The following UBR3 variants were observed in gnomAD, a reference collection of about 807,000 sequenced individuals.
UBR3 encodes the protein ubiquitin protein ligase E3 component n-recognin 3.
A neutral mutation model predicts 243.2 loss-of-function variants in UBR3; 85 were observed. That is an observed-to-expected ratio of 0.35 (90% confidence interval 0.29 to 0.42). UBR3 has a LOEUF of 0.42. UBR3 is among the 10% of genes least tolerant of loss of function. The pLI is 1.00. For missense variants in UBR3, 1,686 were observed against 2,300.8 expected (o/e 0.73, Z 5.47); for synonymous variants, 748 against 799.8 (o/e 0.94, Z 1.09).
intron 11 of UBR3, among the ~76,000 whole-genome samples, chr2:169,921,093 G>A (rs1354606128): frequency 6.6e-6 from 1 of 152,204 alleles, no homozygotes; most frequent in Non-Finnish European, 1.5e-5. Flanking sequence ...TCAAATATAG[G>A]AGGCTTGTGA....
Position 170,015,307 on chromosome 2 carries a change from A to G in UBR3, c.4394A>G (p.His1465Arg). 2 of 1,611,274 alleles carry G rather than the reference A, an allele frequency of 1.2e-6. No homozygotes were observed. The highest frequency in any genetic ancestry group is 1.1e-5 in the South Asian group (1 of 90,854). Reference sequence around the variant, plus strand: ...ACCAATTTAGAACTTGAATTGATTCATCGAGGAGGCAATTTGTGTTCAGGT... The same window carrying G: ...ACCAATTTAGAACTTGAATTGATTCGTCGAGGAGGCAATTTGTGTTCAGGT... ...ARTNLELELI[H>R]RGGNLCSGGA... Residue 1465 changes from histidine to arginine, a missense_variant, in exon 30 of 39, where the codon CAT (histidine) becomes CGT (arginine). By Grantham distance (29) the His-to-Arg change is conservative. Transcript: ENST00000272793.
At chr2:170,032,733 G>A (rs2090713001) in intron 31 of UBR3, among the ~76,000 whole-genome samples, 1 of 151,542 alleles carries the variant, frequency 6.6e-6, no homozygotes, top group Non-Finnish European at 1.5e-5. Context: ...TTCCTTTTTA[G>A]TGCATAGTAT....
intron 24 of UBR3, among the ~76,000 whole-genome samples, chr2:169,974,318 T>G (rs1278771733): frequency 6.6e-6 from 1 of 152,198 alleles, no homozygotes; most frequent in Non-Finnish European, 1.5e-5. Flanking sequence ...GATGGGAGAC[T>G]TTTTATTACT....
intron 1 of UBR3, among the ~76,000 whole-genome samples, chr2:169,842,637 C>T (rs184646198): frequency 4.3e-4 from 66 of 152,174 alleles, no homozygotes; most frequent in Middle Eastern, 3.4e-3. Context: ...ACTCCAGACG[C>T]GCTGCCTTAA....
Position 169,932,912 on chromosome 2 carries a change from C to G in UBR3, c.2567C>G (p.Ala856Gly), listed in dbSNP as rs2086191570. The G allele has an allele frequency of 6.5e-7, 1 of 1,543,764 alleles. No individual in the cohort carries two copies. The highest frequency in any genetic ancestry group is 2.0e-5 in the Admixed American group (1 of 49,240). The change falls in exon 19 of 39, where the codon GCT becomes GGT. Residue 856 changes from alanine (A) to glycine (G), a missense_variant and splice_region_variant. Around this residue, in one of 8 missense-constraint regions of UBR3, gnomAD observed 346 missense variants for 585.8 expected, o/e 0.59. Transcript: ENST00000272793. ...GTTTCTACTTTCTTTTGAATAATAG[C>G]TGAAGTCTGGGATCAAGAGTTTGAC... Reference protein sequence around the residue: ...SMQQGMYTPKAEVWDQEFDPV... With the variant: ...SMQQGMYTPKGEVWDQEFDPV...
intron 27 of UBR3, among the ~76,000 whole-genome samples, chr2:170,005,824 G>A (rs548597986): frequency 6.6e-6 from 1 of 152,144 alleles, no homozygotes; most frequent in South Asian, 2.1e-4. Flanking sequence ...AAAACATATC[G>A]AGGTACCAAA....
intron 1 of UBR3, among the ~76,000 whole-genome samples, chr2:169,845,534 T>TCG (rs1559012465): frequency 9.2e-4 from 113 of 122,648 alleles, no homozygotes; most frequent in South Asian, 1.7e-3. Flanking sequence ...CGTCGTCGTC[T>TCG]TCTTCTTCTT....
At chr2:169,852,625 T>C (rs991406625) in intron 1 of UBR3, among the ~76,000 whole-genome samples, 2 of 151,590 alleles carry the variant, frequency 1.3e-5, no homozygotes, top group Admixed American at 1.3e-4. Context: ...GGCGGATCAC[T>C]TGAGGTCAGG....
intron 10 of UBR3, among the ~76,000 whole-genome samples, chr2:169,907,566 C>T (rs147495797): frequency 8.2e-4 from 125 of 151,956 alleles, no homozygotes; most frequent in Admixed American, 8.5e-4. Flanking sequence ...AACTGGTTTT[C>T]GTGTTTCTAG....
intron 24 of UBR3, among the ~76,000 whole-genome samples, chr2:169,965,646 A>G (rs2087771939): frequency 6.6e-6 from 1 of 152,222 alleles, no homozygotes; most frequent in African/African-American, 2.4e-5. Context: ...AGTTGATCTG[A>G]TAACAGAAAT....
At chr2:169,835,869 ACC>A (rs1160126204) in intron 1 of UBR3, among the ~76,000 whole-genome samples, 1 of 151,268 alleles carries the variant, frequency 6.6e-6, no homozygotes, top group East Asian at 1.9e-4. Flanking sequence ...ATAGATATTA[ACC>A]TTTTGCCATG....
At chr2:169,878,995 G>A (rs1437434665) in intron 5 of UBR3, among the ~76,000 whole-genome samples, 4 of 151,726 alleles carry the variant, frequency 2.6e-5, no homozygotes, top group African/African-American at 9.7e-5. Context: ...TTTTCTAATC[G>A]TATAATAAAG....
chr2:169,862,460 T>C (rs1246535776), intron 1 of UBR3, among the ~76,000 whole-genome samples: 1 of 152,230 alleles, frequency 6.6e-6, no homozygotes, highest in Non-Finnish European at 1.5e-5. Context: ...GTTTACTTAA[T>C]TGTATTCATC....
intron 10 of UBR3, among the ~76,000 whole-genome samples, chr2:169,912,144 T>G (rs1351983785): frequency 6.6e-6 from 1 of 152,212 alleles, no homozygotes; most frequent in African/African-American, 2.4e-5. Context: ...CTGATGAGTT[T>G]AACTCACGTG....
At chr2:169,939,628 A>C (rs1026511859) in intron 19 of UBR3, among the ~76,000 whole-genome samples, 1 of 150,110 alleles carries the variant, frequency 6.7e-6, no homozygotes, top group African/African-American at 2.5e-5. Flanking sequence ...TAGTGGTGCA[A>C]TCTTGGCTCA....
chr2:170,014,600 T>C (rs2090181990), intron 29 of UBR3, among the ~76,000 whole-genome samples: 1 of 152,190 alleles, frequency 6.6e-6, no homozygotes, highest in Admixed American at 6.5e-5. Flanking sequence ...TGTTGATTTA[T>C]TAAATATTGC....
chr2:169,959,129 A>T (rs1177075545), intron 24 of UBR3, among the ~76,000 whole-genome samples: 2 of 152,094 alleles, frequency 1.3e-5, no homozygotes, highest in African/African-American at 2.4e-5. Flanking sequence ...TTTAGAAAAA[A>T]TTGTGGAAAG....
intron 32 of UBR3, among the ~76,000 whole-genome samples, chr2:170,053,485 C>T (rs1339342437): frequency 6.6e-6 from 1 of 152,164 alleles, no homozygotes; most frequent in Admixed American, 6.5e-5. Context: ...ACCCAATGTG[C>T]CTTTTTTCCC....
At chr2:170,046,137 T>C (rs2091082386) in intron 32 of UBR3, among the ~76,000 whole-genome samples, 1 of 152,164 alleles carries the variant, frequency 6.6e-6, no homozygotes, top group Admixed American at 6.5e-5. Flanking sequence ...TGGCTAATTT[T>C]TGTATTTTTA....
Sources: gnomAD v4.1 joint callset for allele counts (sites outside exome capture counted in the v4.1 genomes callset) on GRCh38, gnomAD v4.1.1 for gene constraint, gnomAD v4.1.1 regional missense constraint, MANE v1.5 for transcripts, NCBI Gene and HGNC (gene_info 2026-07-23, HGNC 2026-07-21) for gene names.